ANK2: variants seen among roughly 807,000 people sequenced by gnomAD.
ANK2 encodes ankyrin 2.
A neutral mutation model predicts 360.5 loss-of-function variants in ANK2; 83 were observed. That is an observed-to-expected ratio of 0.23 (90% CI 0.19 to 0.28). The LOEUF (loss-of-function observed/expected upper bound fraction) is 0.28. ANK2 is among the 10% of genes least tolerant of loss of function. The probability of loss-of-function intolerance (pLI) is 1.00; values close to 1 mark genes in which losing one functional copy is unlikely to be tolerated. For missense variants in ANK2, 4,201 were observed against 4,795.7 expected, an observed-to-expected ratio of 0.88 and a Z score of 3.66; for synonymous variants, 1,740 against 1,759.5, an observed-to-expected ratio of 0.99 and a Z score of 0.28.
intron 1 of ANK2, among the ~76,000 whole-genome samples, chr4:112,903,449 A>G (rs866392213): frequency 6.6e-6 from 1 of 152,156 alleles, no homozygotes; most frequent in South Asian, 2.1e-4. Flanking sequence ...CATTTCTAAC[A>G]CTTAGTATTT....
chr4:112,833,628 C>T (rs535029019), intron 1 of ANK2, among the ~76,000 whole-genome samples: 38 of 152,196 alleles, frequency 2.5e-4, no homozygotes, highest in African/African-American at 9.2e-4. Flanking sequence ...CTCAGCCTCC[C>T]CAGTACCTGG....
chr4:112,960,371 G>T (rs1467680326), intron 2 of ANK2, among the ~76,000 whole-genome samples: 1 of 151,210 alleles, frequency 6.6e-6, no homozygotes, highest in East Asian at 1.9e-4. Context: ...AAATCTTGTG[G>T]TACCTAATTT....
In ANK2 at chr4:113,038,147, T is replaced by C. The variant is rs959425690; in HGVS notation, c.21+133633T>C. On this transcript the variant is annotated intron_variant, in intron 2 of 30. Transcript: ENST00000503271. The stretch of plus-strand genomic sequence containing the variant: ...GTTACGAGGTCATATAGATGTTACG[T>C]AGAAGAGGAGGGGCCAAGGAGAGTG... Among the ~76,000 whole-genome samples, 4 of 151,848 alleles carry C rather than the reference T, an allele frequency of 2.6e-5. 1 individual carries two copies. In the South Asian group the frequency reaches 8.3e-4, roughly 32 times the overall value.
At chr4:113,302,863 A>C (rs111858559) in intron 23 of ANK2, 24 bp downstream of exon 23, 18 of 1,589,052 alleles carry the variant, frequency 1.1e-5, no homozygotes, top group African/African-American at 6.7e-5. Context: ...TCAATCTTCT[A>C]TGACACCTGT....
At chr4:112,878,734 C>T (rs550882963) in intron 1 of ANK2, among the ~76,000 whole-genome samples, 2 of 151,488 alleles carry the variant, frequency 1.3e-5, no homozygotes, top group South Asian at 4.2e-4. Flanking sequence ...CTCGTGTTCA[C>T]GCCATTTTCC....
intron 17 of ANK2, among the ~76,000 whole-genome samples, chr4:113,280,165 A>G (rs2061733541): frequency 6.6e-6 from 1 of 152,168 alleles, no homozygotes; most frequent in Non-Finnish European, 1.5e-5. Context: ...TTGAACTCTT[A>G]CAATGTGCAA....
At chr4:113,297,393 G>C (rs1013800360) in intron 22 of ANK2, among the ~76,000 whole-genome samples, 2 of 151,918 alleles carry the variant, frequency 1.3e-5, no homozygotes, top group Non-Finnish European at 2.9e-5. Flanking sequence ...CATCTAATTG[G>C]GTATTACTTT....
At chr4:113,236,367 A>G (rs953139602) in intron 5 of ANK2, among the ~76,000 whole-genome samples, 1 of 152,182 alleles carries the variant, frequency 6.6e-6, no homozygotes, top group Non-Finnish European at 1.5e-5. Context: ...TACCTAGCAC[A>G]TGTAATTTTA....
intron 2 of ANK2, among the ~76,000 whole-genome samples, chr4:112,921,047 T>C (rs1050246244): frequency 1.3e-5 from 2 of 151,470 alleles, no homozygotes; most frequent in African/African-American, 4.9e-5. Context: ...TTATTTTCTT[T>C]TTCTCTTTTT....
At chr4:113,263,823 A>G (rs1000000028) in intron 13 of ANK2, among the ~76,000 whole-genome samples, 1 of 152,234 alleles carries the variant, frequency 6.6e-6, no homozygotes, top group Non-Finnish European at 1.5e-5. Context: ...ACTTGAGTGA[A>G]TGAAACCCTG....
At chr4:112,909,714 C>A (rs1039704296) in intron 2 of ANK2, among the ~76,000 whole-genome samples, 14 of 152,150 alleles carry the variant, frequency 9.2e-5, no homozygotes, top group African/African-American at 3.1e-4. Flanking sequence ...CTGTGATGAG[C>A]GTTTCTGTAC....
intron 1 of ANK2, among the ~76,000 whole-genome samples, chr4:112,881,362 G>T (rs1166478273): frequency 6.6e-6 from 1 of 152,240 alleles, no homozygotes; most frequent in Non-Finnish European, 1.5e-5. Flanking sequence ...CTTGAGCCCA[G>T]GAGGTGGAGG....
chr4:112,711,082 G>A, the ANK2 span, among the ~76,000 whole-genome samples: 2 of 151,088 alleles, frequency 1.3e-5, no homozygotes, highest in African/African-American at 2.4e-5. Context: ...GAGCCACTGC[G>A]CCTGGCCAGG....
the ANK2 span, among the ~76,000 whole-genome samples, chr4:112,707,871 A>T: frequency 2.6e-5 from 4 of 152,230 alleles, 1 homozygote; most frequent in South Asian, 2.1e-4. Context: ...AGAAAAGCTC[A>T]TAATTAAAAG....
At chr4:113,011,876 A>G (rs2054847321) in intron 2 of ANK2, among the ~76,000 whole-genome samples, 1 of 152,078 alleles carries the variant, frequency 6.6e-6, no homozygotes, top group South Asian at 2.1e-4. Context: ...GGTTGTGCAA[A>G]CAATTTTATG....
rs1329590837 is a variant in ANK2, at chr4:112,919,008, TC to T, written c.21+14495del. On this transcript the variant is annotated intron_variant, in intron 2 of 30. Coordinates refer to the ANK2 transcript ENST00000503271. ...CTTTCTATGGAATTTCTATTTTCTT[TC>T]ACTTTTTAGTTAATAAAGAGTTATT... Among the ~76,000 whole-genome samples, 5 of 152,254 alleles carry T rather than the reference TC, an allele frequency of 3.3e-5. No individual in the cohort carries two copies. In the South Asian group the frequency reaches 6.2e-4, roughly 19 times the overall value.
chr4:112,895,177 G>A (rs906212791), intron 1 of ANK2, among the ~76,000 whole-genome samples: 4 of 152,142 alleles, frequency 2.6e-5, no homozygotes, highest in Non-Finnish European at 5.9e-5. Context: ...AATTTTTGTT[G>A]TGGTAAGCAT....
intron 13 of ANK2, among the ~76,000 whole-genome samples, chr4:113,259,743 A>G (rs900859496): frequency 8.6e-5 from 13 of 150,828 alleles, no homozygotes; most frequent in African/African-American, 3.2e-4. Flanking sequence ...ATTTCTAGTC[A>G]CTTCTTAGAA....
chr4:112,901,905 A>G (rs1580832171), intron 1 of ANK2, among the ~76,000 whole-genome samples: 1 of 152,042 alleles, frequency 6.6e-6, no homozygotes. Flanking sequence ...GAGATGTAAT[A>G]TATTTCACCA....
Sources: gnomAD v4.1 joint callset for allele counts (sites outside exome capture counted in the v4.1 genomes callset) on GRCh38, gnomAD v4.1.1 for gene constraint, MANE v1.5 for transcripts, NCBI Gene and HGNC (gene_info 2026-07-23, HGNC 2026-07-21) for gene names.